Variants in MAGI2 observed in about 807,000 individuals in gnomAD.
MAGI2 encodes the protein membrane-associated guanylate kinase, WW and PDZ domain-containing protein 2.
A neutral mutation model predicts 133.3 loss-of-function variants in MAGI2; 35 were observed. That is an observed-to-expected ratio of 0.26 (90% confidence interval 0.20 to 0.35). The LOEUF is 0.35. Among genes scored for constraint, MAGI2 ranks in the 10% least tolerant of loss-of-function variants. MAGI2 has a pLI of 1.00. For missense variants in MAGI2, 1,636 were observed against 1,863.4 expected, an observed-to-expected ratio of 0.88 and a Z score of 2.25; for synonymous variants, 729 against 710.6, an observed-to-expected ratio of 1.03 and a Z score of -0.41.
chr7:79,325,116 C>T (rs1839590075), intron 1 of MAGI2, among the ~76,000 whole-genome samples: 1 of 152,038 alleles, frequency 6.6e-6, no homozygotes, highest in Non-Finnish European at 1.5e-5. Flanking sequence ...TCTTCAGCAA[C>T]TTCAGATGCT....
chr7:79,136,007 A>AAGAAAG (rs1562928812), intron 1 of MAGI2, among the ~76,000 whole-genome samples: 9 of 114,604 alleles, frequency 7.9e-5, no homozygotes, highest in African/African-American at 2.6e-4. Context: ...AAGAAAGAGA[A>AAGAAAG]AGAAAGAAAG....
chr7:78,470,397 T>C lies in MAGI2; in HGVS notation c.1045+19364A>G, dbSNP rs117904763. Among the ~76,000 whole-genome samples the C allele has an allele frequency of 7.7e-3, 1,177 of 152,254 alleles. 8 individuals carry two copies. The highest frequency in any genetic ancestry group is 0.013 in the Non-Finnish European group (870 of 68,006). On this transcript the variant is annotated intron_variant, in intron 6 of 21. Coordinates refer to ENST00000354212, the MANE Select transcript of MAGI2 (RefSeq NM_012301.4). ...TGGGACATAAGTGATAATGACAAAT[T>C]GGTTGGAACATTTTAATATGAAACA...
intron 2 of MAGI2, among the ~76,000 whole-genome samples, chr7:78,740,670 A>T (rs1822326363): frequency 6.6e-6 from 1 of 152,200 alleles, no homozygotes; most frequent in Non-Finnish European, 1.5e-5. Flanking sequence ...ACTAGAGACC[A>T]GTCAATTAAG....
intron 1 of MAGI2, among the ~76,000 whole-genome samples, chr7:79,203,403 G>A (rs930932589): frequency 5.9e-5 from 9 of 151,968 alleles, no homozygotes; most frequent in African/African-American, 9.7e-5. Context: ...ATCTGGTCCT[G>A]TCTACCCCTT....
At chr7:78,388,435 T>C (rs753473950) in intron 6 of MAGI2, among the ~76,000 whole-genome samples, 2 of 152,144 alleles carry the variant, frequency 1.3e-5, no homozygotes, top group Non-Finnish European at 2.9e-5. Flanking sequence ...ATGTGTCCCA[T>C]AATTGTTGAA....
Position 79,297,980 on chromosome 7 carries a change from C to T in MAGI2, c.301+155040G>A, listed in dbSNP as rs192971386. 1.9e-3 allele frequency among the ~76,000 whole-genome samples: 293 copies of T among 152,272 alleles called. 1 individual carries two copies. The highest frequency in any genetic ancestry group is 6.4e-3 in the African/African-American group (267 of 41,574). On this transcript the variant is annotated intron_variant, in intron 1 of 21. Coordinates refer to ENST00000354212, the MANE Select transcript of MAGI2 (RefSeq NM_012301.4). The stretch of plus-strand genomic sequence containing the variant: ...CTCTCTGTTAGAAAAGCTGCTGATA[C>T]CTTTTTGTCTCTTTGTAAGATCAGC...
chr7:78,124,311 C>T (rs1054372985), intron 20 of MAGI2, among the ~76,000 whole-genome samples: 5 of 152,116 alleles, frequency 3.3e-5, no homozygotes, highest in Admixed American at 6.6e-5. Context: ...CAGGGCTAGA[C>T]GGGGTAAGAG....
intron 9 of MAGI2, among the ~76,000 whole-genome samples, chr7:78,304,420 T>C (rs1360607023): frequency 6.6e-6 from 1 of 152,190 alleles, no homozygotes; most frequent in African/African-American, 2.4e-5. Context: ...TCCTTTTACT[T>C]AGGTTTTTAT....
At chr7:78,979,402 G>A (rs1270285602) in intron 2 of MAGI2, among the ~76,000 whole-genome samples, 4 of 151,820 alleles carry the variant, frequency 2.6e-5, no homozygotes, top group Non-Finnish European at 4.4e-5. Flanking sequence ...AAAGCCAAAT[G>A]GTCAGAGCTA....
At chr7:78,165,778 A>G (rs1234699171) in intron 15 of MAGI2, among the ~76,000 whole-genome samples, 2 of 152,240 alleles carry the variant, frequency 1.3e-5, no homozygotes, top group Non-Finnish European at 2.9e-5. Context: ...TGACAGCAAC[A>G]GTCCTTGAAA....
intron 1 of MAGI2, among the ~76,000 whole-genome samples, chr7:79,258,776 C>A (rs1449721037): frequency 6.6e-6 from 1 of 152,328 alleles, no homozygotes; most frequent in Middle Eastern, 3.4e-3. Flanking sequence ...ACTATAGGCA[C>A]ATGCCTGCAT....
At chr7:78,900,420 ATCAC>A (rs1255893849) in intron 2 of MAGI2, among the ~76,000 whole-genome samples, 1 of 152,072 alleles carries the variant, frequency 6.6e-6, no homozygotes, top group African/African-American at 2.4e-5. Context: ...ATATGCTTCT[ATCAC>A]TCACTCCACT....
chr7:79,104,397 C>T (rs775015099), intron 1 of MAGI2, among the ~76,000 whole-genome samples: 4 of 151,960 alleles, frequency 2.6e-5, no homozygotes, highest in Non-Finnish European at 5.9e-5. Flanking sequence ...GGCCGGGCGC[C>T]GTGGCTCTTA....
At chr7:78,429,209 G>A (rs1357230787) in intron 6 of MAGI2, among the ~76,000 whole-genome samples, 3 of 152,020 alleles carry the variant, frequency 2.0e-5, no homozygotes, top group Admixed American at 6.6e-5. Context: ...TTAATAAATC[G>A]CCACATTGGT....
intron 1 of MAGI2, chr7:79,413,381 C>A (rs886829155): frequency 3.3e-5 from 5 of 152,048 alleles, no homozygotes; most frequent in Non-Finnish European, 7.4e-5. Context: ...ATAAAAGTGG[C>A]AGGAATTTTG....
At chr7:78,342,902 T>C (rs147584317) in intron 9 of MAGI2, among the ~76,000 whole-genome samples, 138 of 152,306 alleles carry the variant, frequency 9.1e-4, no homozygotes, top group Admixed American at 1.4e-3. Context: ...GGCACGTGTA[T>C]ACCTATGTAA....
At chr7:79,450,714 G>C (rs1161581898) in intron 1 of MAGI2, among the ~76,000 whole-genome samples, 1 of 152,110 alleles carries the variant, frequency 6.6e-6, no homozygotes, top group Non-Finnish European at 1.5e-5. Context: ...AACCACATTA[G>C]ATCAAATTAT....
At chr7:78,386,475 G>A (rs959803253) in intron 6 of MAGI2, among the ~76,000 whole-genome samples, 3 of 152,102 alleles carry the variant, frequency 2.0e-5, no homozygotes, top group Non-Finnish European at 4.4e-5. Context: ...AAAACATCAG[G>A]AAAATTCTTG....
chr7:78,754,315 G>A (rs147396172), intron 2 of MAGI2, among the ~76,000 whole-genome samples: 1 of 151,824 alleles, frequency 6.6e-6, no homozygotes, highest in East Asian at 1.9e-4. Flanking sequence ...AGGCTGCAGT[G>A]AGCCATGATC....
Sources: gnomAD v4.1 joint callset for allele counts (sites outside exome capture counted in the v4.1 genomes callset) on GRCh38, gnomAD v4.1.1 for gene constraint, MANE v1.5 for transcripts, NCBI Gene and HGNC (gene_info 2026-07-23, HGNC 2026-07-21) for gene names.